The following PCDH15 variants were observed in gnomAD, a reference collection of about 807,000 sequenced individuals.
The protein encoded by PCDH15 is protocadherin related 15, also known as protocadherin-15.
In PCDH15, 129 loss-of-function variants were observed where a neutral mutation model predicts 178.5. The ratio of observed to expected loss-of-function variants is 0.72; its 90% CI spans 0.63 to 0.84. The LOEUF (loss-of-function observed/expected upper bound fraction) is 0.84. Ranked by LOEUF, PCDH15 falls within the 40% of genes least tolerant of loss-of-function variation. The pLI, the probability that PCDH15 is intolerant of heterozygous loss-of-function variation, is 0.00. For synonymous variants in PCDH15, 800 were observed against 732.0 expected (o/e 1.09, Z -1.50); for missense variants, 2,230 against 2,099.9 (o/e 1.06, Z -1.21).
At chr10:55,478,241 G>C (rs77770095) in intron 2 of PCDH15, among the ~76,000 whole-genome samples, 478 of 151,808 alleles carry the variant, frequency 3.1e-3, no homozygotes, top group African/African-American at 0.011. Context: ...GCATCCCACT[G>C]TTCTGCAATG....
chr10:54,518,206 A>G (rs2082429044), intron 3 of PCDH15, among the ~76,000 whole-genome samples: 1 of 152,156 alleles, frequency 6.6e-6, no homozygotes, highest in Non-Finnish European at 1.5e-5. Context: ...AGAAATAACT[A>G]AAATCAGTGC....
intron 2 of PCDH15, among the ~76,000 whole-genome samples, chr10:54,629,509 A>C (rs1192222509): frequency 6.6e-6 from 1 of 152,200 alleles, no homozygotes; most frequent in Non-Finnish European, 1.5e-5. Context: ...TCATTATTTC[A>C]ACAGACTCAG....
intron 18 of PCDH15, among the ~76,000 whole-genome samples, chr10:54,065,585 A>G (rs957201783): frequency 7.2e-5 from 11 of 152,230 alleles, no homozygotes; most frequent in Non-Finnish European, 1.6e-4. Context: ...TTGGCATTTT[A>G]TAACATCACA....
At chr10:54,860,145 TA>T (rs1373055778) in intron 3 of PCDH15, among the ~76,000 whole-genome samples, 3 of 152,066 alleles carry the variant, frequency 2.0e-5, no homozygotes, top group Non-Finnish European at 4.4e-5. Context: ...CTGAGTTTTT[TA>T]AAAATGCAAC....
chr10:54,010,154 C>T (rs2092529371), intron 20 of PCDH15, among the ~76,000 whole-genome samples: 1 of 152,000 alleles, frequency 6.6e-6, no homozygotes, highest in East Asian at 1.9e-4. Context: ...ATTTTTGCTG[C>T]TCTGCAACCC....
At chr10:54,872,156 T>C (rs1216596270) in intron 3 of PCDH15, among the ~76,000 whole-genome samples, 3 of 151,968 alleles carry the variant, frequency 2.0e-5, no homozygotes, top group South Asian at 2.1e-4. Flanking sequence ...ACCTGAAATA[T>C]GTATATATGT....
At chr10:54,473,146 A>G (rs896597194) in intron 3 of PCDH15, among the ~76,000 whole-genome samples, 1 of 152,162 alleles carries the variant, frequency 6.6e-6, no homozygotes, top group Admixed American at 6.6e-5. Context: ...GGAAAATGGT[A>G]AGAAGAGACA....
At chr10:55,250,988 C>T (rs565854434) in intron 1 of PCDH15, among the ~76,000 whole-genome samples, 1 of 152,022 alleles carries the variant, frequency 6.6e-6, no homozygotes, top group Admixed American at 6.5e-5. Context: ...TTCCATTGCA[C>T]TATTATGGAG....
At chr10:55,020,620 C>T (rs1386852524) in intron 2 of PCDH15, among the ~76,000 whole-genome samples, 1 of 152,078 alleles carries the variant, frequency 6.6e-6, no homozygotes, top group Non-Finnish European at 1.5e-5. Flanking sequence ...ATCTCAAACT[C>T]ATTAAGCCAG....
At chr10:54,918,041 C>CT (rs2131841031) in intron 2 of PCDH15, among the ~76,000 whole-genome samples, 2 of 148,976 alleles carry the variant, frequency 1.3e-5, no homozygotes, top group South Asian at 4.3e-4. Flanking sequence ...CCTCTCCATA[C>CT]TTTAAGTTTC....
At chr10:55,097,241 A>G (rs1842467846) in intron 2 of PCDH15, among the ~76,000 whole-genome samples, 1 of 152,130 alleles carries the variant, frequency 6.6e-6, no homozygotes, top group African/African-American at 2.4e-5. Context: ...ATATCCTGTC[A>G]CGGTGCAAAA....
chr10:55,539,162 T>A (rs964145874), intron 2 of PCDH15, among the ~76,000 whole-genome samples: 1 of 151,916 alleles, frequency 6.6e-6, no homozygotes, highest in Non-Finnish European at 1.5e-5. Flanking sequence ...ACATCTCTTT[T>A]CCCTCAAACA....
chr10:54,841,924 A>G (rs1212414461), intron 3 of PCDH15, among the ~76,000 whole-genome samples: 1 of 151,814 alleles, frequency 6.6e-6, no homozygotes, highest in Non-Finnish European at 1.5e-5. Flanking sequence ...TGATATAAAC[A>G]ATGTTTATTT....
At chr10:55,401,594 CTGTGTGTGTG>C (rs3074786) in intron 2 of PCDH15, among the ~76,000 whole-genome samples, 32 of 133,178 alleles carry the variant, frequency 2.4e-4, no homozygotes, top group Admixed American at 4.5e-4. Context: ...ATTTGCCTTA[CTGTGTGTGTG>C]TGTGTGTGTG....
rs557837116 is a variant in PCDH15, at chr10:54,694,751, C to T, written c.-28-30461G>A. 2.0e-5 allele frequency among the ~76,000 whole-genome samples: 3 copies of T among 152,220 alleles called. No individual in the cohort carries two copies. The East Asian group carries it at 5.8e-4, about 29-fold the overall frequency. On this transcript the variant is annotated intron_variant, in intron 1 of 37. Coordinates refer to ENST00000644397, the MANE Select transcript of PCDH15 (RefSeq NM_001384140.1). ...GAATGTGTTATGACTGCTCCACCCA[C>T]TTCAGCTTCCCTGTTTCCAGAGGCA...
Position 53,876,199 on chromosome 10 carries a change from T to G in PCDH15, c.3502-9342A>C, listed in dbSNP as rs10825143. ...TCTTGTTTTTTTTTTTGTTTTTTTGTTTTTTTTTTGACACAGTCTTGCTCT... is the reference window on the plus strand; with the variant it reads ...TCTTGTTTTTTTTTTTGTTTTTTTGGTTTTTTTTTGACACAGTCTTGCTCT... On this transcript the variant is annotated intron_variant, in intron 26 of 37. Coordinates refer to ENST00000644397, the MANE Select transcript of PCDH15 (RefSeq NM_001384140.1). 1.5e-3 allele frequency among the ~76,000 whole-genome samples: 14 copies of G among 9,316 alleles called. No individual in the cohort carries two copies. In the African/African-American group the frequency reaches 0.025, roughly 17 times the overall value. 6.1% of individuals were successfully genotyped at this position (9,316 alleles called of 152,430 possible). A position where few individuals can be genotyped will look rare whatever the true frequency, so the allele number is the denominator to read the frequency against.
chr10:53,828,153 C>A (rs931569052), intron 31 of PCDH15, among the ~76,000 whole-genome samples: 1 of 128,284 alleles, frequency 7.8e-6, no homozygotes, highest in Non-Finnish European at 1.5e-5. Context: ...TTGCAGTGAG[C>A]CCAGATCACG....
chr10:54,962,507 T>C (rs958708053), intron 2 of PCDH15, among the ~76,000 whole-genome samples: 11 of 152,310 alleles, frequency 7.2e-5, no homozygotes, highest in Non-Finnish European at 1.6e-4. Flanking sequence ...GGCTGTGATA[T>C]ATTGTGACAC....
chr10:54,892,741 T>G (rs1954484367), intron 3 of PCDH15, among the ~76,000 whole-genome samples: 1 of 149,994 alleles, frequency 6.7e-6, no homozygotes, highest in Non-Finnish European at 1.5e-5. Flanking sequence ...CTTTTTTTTT[T>G]TTTTTTAAGA....
Sources: allele counts gnomAD v4.1 joint callset (sites outside exome capture counted in the v4.1 genomes callset), GRCh38; gene constraint gnomAD v4.1.1; transcripts MANE v1.5; gene names NCBI Gene and HGNC (gene_info 2026-07-23, HGNC 2026-07-21).